Variants in MEP1A observed in about 807,000 individuals in gnomAD.
MEP1A encodes N-benzoyl-L-tyrosyl-P-amino-benzoic acid hydrolase subunit alpha.
In MEP1A, 68 loss-of-function variants were observed where a neutral mutation model predicts 84.5. The observed-to-expected ratio is 0.80, with a 90% confidence interval of 0.66 to 0.98. The LOEUF (loss-of-function observed/expected upper bound fraction) is 0.98. MEP1A is among the 50% of genes least tolerant of loss of function. The pLI is 0.00. For missense variants in MEP1A, 887 were observed against 919.9 expected, an observed-to-expected ratio of 0.96 and a Z score of 0.46; for synonymous variants, 337 against 336.8, an observed-to-expected ratio of 1.00 and a Z score of -0.01.
intron 9 of MEP1A, among the ~76,000 whole-genome samples, chr6:46,827,397 C>T (rs1751985848): frequency 6.6e-6 from 1 of 152,212 alleles, no homozygotes; most frequent in Admixed American, 6.5e-5. Flanking sequence ...CCCTTTCTCT[C>T]CAGAGGTTCC....
In MEP1A at chr6:46,799,147, G is replaced by A. The variant is rs1275859792; in HGVS notation, c.228G>A (p.Thr76=). The A allele has an allele frequency of 1.1e-5, 17 of 1,612,814 alleles. No individual in the cohort carries two copies. Among genetic ancestry groups the A allele is most frequent in the Admixed American group, 1.0e-4 (6 of 59,994 alleles). Residue 76 remains threonine, a synonymous_variant, in exon 5 of 14, where the codon ACG becomes ACA. Coordinates refer to ENST00000230588, the MANE Select transcript of MEP1A (RefSeq NM_005588.3). ...NGLRDPNTRW[T]FPIPYILADN... is the part of the protein sequence containing the mutation. The stretch of plus-strand genomic sequence containing the variant: ...TGAGAGACCCAAACACCAGGTGGAC[G>A]TTCCCCATTCCTTACATCTTGGCTG...
At chr6:46,828,447 G>C (rs967422676) in intron 9 of MEP1A, among the ~76,000 whole-genome samples, 3 of 152,160 alleles carry the variant, frequency 2.0e-5, no homozygotes, top group African/African-American at 7.2e-5. Flanking sequence ...GTGTGAGGCA[G>C]GATGAAGCTG....
intron 2 of MEP1A, 39 bp downstream of exon 2, chr6:46,793,615 C>T: frequency 6.3e-7 from 1 of 1,575,594 alleles, no homozygotes; most frequent in Non-Finnish European, 8.7e-7. Flanking sequence ...TGTTTTTGAA[C>T]TTTTTTCCTT....
intron 6 of MEP1A, 33 bp from the exon 7 acceptor site, chr6:46,819,496 T>C: frequency 6.4e-7 from 1 of 1,551,004 alleles, no homozygotes; most frequent in Non-Finnish European, 8.7e-7. Flanking sequence ...AAAAATTCTC[T>C]AGAAGAAATT....
intron 5 of MEP1A, among the ~76,000 whole-genome samples, chr6:46,804,739 G>T (rs552115016): frequency 1.3e-5 from 2 of 151,882 alleles, no homozygotes; most frequent in Non-Finnish European, 3.0e-5. Context: ...GATGGAACAT[G>T]TTTATAATGT....
chr6:46,820,681 G>A (rs1014754541), intron 7 of MEP1A, among the ~76,000 whole-genome samples: 10 of 152,016 alleles, frequency 6.6e-5, no homozygotes, highest in Non-Finnish European at 1.2e-4. Context: ...AGCCACCACC[G>A]TGTCCGGCCC....
Position 46,833,088 on chromosome 6 carries a change from A to G in MEP1A, c.1159A>G (p.Asn387Asp), listed in dbSNP as rs760030222. 25 of 1,524,840 alleles carry G rather than the reference A, an allele frequency of 1.6e-5. No homozygotes were observed. The South Asian group carries it at 2.8e-4, about 17-fold the overall frequency. 94.5% of individuals were successfully genotyped at this position (1,524,840 alleles called of 1,614,324 possible). A position where few individuals can be genotyped will look rare whatever the true frequency, so the allele number is the denominator to read the frequency against. The stretch of plus-strand genomic sequence containing the variant: ...TCTGTCCTCAGGAGATGATGACCAC[A>G]ATTGGAAAATTGCCCATGTGGTGCT... ...VQTFQGDDDHNWKIAHVVLKE... is the reference protein window; with the variant it reads ...VQTFQGDDDHDWKIAHVVLKE... Residue 387 changes from asparagine to aspartate, a missense_variant, in exon 11 of 14, where the codon AAT becomes GAT. By Grantham distance (23) the Asn-to-Asp change is conservative (BLOSUM62 1). Transcript: ENST00000230588.
In MEP1A at chr6:46,825,455, C is replaced by T. The variant is rs143801305; in HGVS notation, c.740C>T (p.Ala247Val). Reference sequence around the variant, plus strand: ...ATCGGACAGCGCCTGGATTTCAGTGCCATTGATTTAGAGAGGCTGAACCGA... The same window carrying T: ...ATCGGACAGCGCCTGGATTTCAGTGTCATTGATTTAGAGAGGCTGAACCGA... ...SIIGQRLDFSAIDLERLNRMY... is the reference protein window; with the variant it reads ...SIIGQRLDFSVIDLERLNRMY... Residue 247 changes from alanine (A) to valine (V), a missense_variant, in exon 8 of 14, where the codon GCC becomes GTC. Physicochemically the swap from Ala to Val is moderately conservative, Grantham distance 64 (BLOSUM62 0). Transcript: ENST00000230588. 327 of 1,613,636 alleles carry T rather than the reference C, an allele frequency of 2.0e-4. 2 individuals carry two copies. Among genetic ancestry groups the T allele is most frequent in the South Asian group, 9.0e-4 (82 of 91,018 alleles).
chr6:46,799,305 T>C, intron 5 of MEP1A, 124 bp downstream of exon 5: 1 of 666,040 alleles, frequency 1.5e-6, no homozygotes, highest in Non-Finnish European at 2.7e-6. Context: ...TCCTGATGCA[T>C]CTTTATCTAA....
At chr6:46,835,997 A>G (rs1443598969) in intron 13 of MEP1A, among the ~76,000 whole-genome samples, 2 of 152,138 alleles carry the variant, frequency 1.3e-5, no homozygotes, top group Non-Finnish European at 2.9e-5. Context: ...TATATTTTCA[A>G]TAATAGTAGT....
In MEP1A at chr6:46,793,630, A is replaced by G. The variant is rs796139665; in HGVS notation, c.95-36A>G. The G allele has an allele frequency of 2.5e-6, 4 of 1,586,018 alleles. No homozygotes were observed. In the African/African-American group the frequency reaches 4.1e-5, roughly 16 times the overall value. On this transcript the variant is annotated intron_variant, in intron 2 of 13. Coordinates refer to ENST00000230588, the MANE Select transcript of MEP1A (RefSeq NM_005588.3). ...TGTTTTTGAACTTTTTTCCTTCGGC[A>G]AGACTAATAATAATTTTTTTTCTCA... is the stretch of plus-strand genomic sequence containing the variant.
In MEP1A at chr6:46,831,939, T is replaced by G. The variant is rs1378164921; in HGVS notation, c.1145-1135T>G. Among the ~76,000 whole-genome samples the G allele has an allele frequency of 5.9e-5, 9 of 152,246 alleles. No individual in the cohort carries two copies. In the East Asian group the frequency reaches 1.7e-3, roughly 29 times the overall value. On this transcript the variant is annotated intron_variant, in intron 10 of 13. Transcript: ENST00000230588. ...GTTCCCATGTAACCTACCTCTCTCC[T>G]GTGTTCCCATGTAACCTAACCACAC...
intron 5 of MEP1A, among the ~76,000 whole-genome samples, chr6:46,803,385 CATA>C (rs1767238504): frequency 6.6e-6 from 1 of 151,584 alleles, no homozygotes; most frequent in Admixed American, 6.6e-5. Context: ...AAAATAGTGG[CATA>C]ATATCTCATT....
intron 3 of MEP1A, among the ~76,000 whole-genome samples, chr6:46,795,370 G>T (rs1420005153): frequency 6.6e-6 from 1 of 151,788 alleles, no homozygotes; most frequent in Non-Finnish European, 1.5e-5. Flanking sequence ...GTGCCATCTC[G>T]GCTCACTGCA....
At chr6:46,794,559 A>G (rs1011801606) in intron 3 of MEP1A, among the ~76,000 whole-genome samples, 3 of 152,190 alleles carry the variant, frequency 2.0e-5, no homozygotes, top group African/African-American at 7.2e-5. Flanking sequence ...TGCTATCTGA[A>G]GGCTACAAAA....
Position 46,833,281 on chromosome 6 carries a change from G to A in MEP1A, c.1352G>A (p.Gly451Glu), listed in dbSNP as rs759125891. 4 of 1,614,210 alleles carry A rather than the reference G, an allele frequency of 2.5e-6. No individual in the cohort carries two copies. The highest frequency in any genetic ancestry group is 3.4e-6 in the Non-Finnish European group (4 of 1,180,040). The part of the protein sequence containing the change: ...FSQVLENTSK[G>E]DKLQSPRFYN... Reference sequence around the variant, plus strand: ...CAAGTCCTTGAGAACACCAGCAAAGGGGACAAGCTTCAGAGCCCTCGATTC... The same window carrying A: ...CAAGTCCTTGAGAACACCAGCAAAGAGGACAAGCTTCAGAGCCCTCGATTC... The change falls in exon 11 of 14, where the codon GGG becomes GAG. Residue 451 changes from glycine (G) to glutamate (E), a missense_variant. By Grantham distance (98) the Gly-to-Glu change is moderately conservative. Coordinates refer to ENST00000230588, the MANE Select transcript of MEP1A (RefSeq NM_005588.3).
Position 46,839,628 on chromosome 6 carries a change from T to A in MEP1A, c.*492T>A, listed in dbSNP as rs1943482757. On this transcript the variant is annotated 3_prime_UTR_variant, in exon 14 of 14. Transcript: ENST00000230588. ...TATGTTAGAATCAAATACTCATTTT[T>A]CATTAGATACAGTAGTGTCATCACT... is the stretch of plus-strand genomic sequence containing the variant. The A allele has an allele frequency of 1.3e-5, 2 of 152,280 alleles. No homozygotes were observed. Among genetic ancestry groups the A allele is most frequent in the African/African-American group, 4.8e-5 (2 of 41,462 alleles). The allele number at this position is 152,280 out of a possible 1,614,324, so 9.4% of individuals were successfully genotyped here.
chr6:46,803,358 A>G (rs1055595664), intron 5 of MEP1A, among the ~76,000 whole-genome samples: 9 of 151,698 alleles, frequency 5.9e-5, no homozygotes, highest in Non-Finnish European at 8.9e-5. Flanking sequence ...TTCAACAACT[A>G]TTTCAACTAA....
chr6:46,824,349 ATATT>A (rs1309623815), intron 7 of MEP1A, among the ~76,000 whole-genome samples: 24 of 150,106 alleles, frequency 1.6e-4, no homozygotes, highest in East Asian at 3.9e-4. Flanking sequence ...GTCATTTCTA[ATATT>A]TATTTAAATT....
Sources: gnomAD v4.1 joint callset for allele counts (sites outside exome capture counted in the v4.1 genomes callset) on GRCh38, gnomAD v4.1.1 for gene constraint, MANE v1.5 for transcripts, NCBI Gene and HGNC (gene_info 2026-07-23, HGNC 2026-07-21) for gene names.